The following ROBO1 variants were observed in gnomAD, a reference collection of about 807,000 sequenced individuals.
The protein encoded by ROBO1 is roundabout homolog 1.
Under a neutral mutation model 195.9 loss-of-function variants are expected in ROBO1, and 149 were observed. The observed-to-expected ratio is 0.76, with a 90% CI of 0.67 to 0.87. The LOEUF (loss-of-function observed/expected upper bound fraction) is 0.87, where lower values mean the gene tolerates loss of function less well. ROBO1 is among the 40% of genes least tolerant of loss of function. ROBO1 has a pLI of 0.00. For missense variants in ROBO1, 1,933 were observed against 2,068.3 expected, an observed-to-expected ratio of 0.93 and a Z score of 1.27; for synonymous variants, 816 against 733.2, an observed-to-expected ratio of 1.11 and a Z score of -1.82.
At chr3:79,123,166 C>T (rs1469487506) in intron 3 of ROBO1, among the ~76,000 whole-genome samples, 2 of 151,822 alleles carry the variant, frequency 1.3e-5, no homozygotes, top group Non-Finnish European at 2.9e-5. Flanking sequence ...TATTAAACTC[C>T]AGATATACCA....
chr3:78,815,517 C>G (rs1187888680), intron 4 of ROBO1, among the ~76,000 whole-genome samples: 1 of 152,082 alleles, frequency 6.6e-6, no homozygotes, highest in African/African-American at 2.4e-5. Context: ...AATTGTCTCC[C>G]ATTCTATGAA....
At chr3:79,182,957 T>G (rs918192913) in intron 2 of ROBO1, among the ~76,000 whole-genome samples, 7 of 151,726 alleles carry the variant, frequency 4.6e-5, no homozygotes, top group African/African-American at 1.7e-4. Context: ...GGCACGTGCC[T>G]GTAGTCCCAG....
At chr3:78,610,548 T>A (rs191059360) in intron 28 of ROBO1, among the ~76,000 whole-genome samples, 131 of 152,246 alleles carry the variant, frequency 8.6e-4, no homozygotes, top group African/African-American at 3.1e-3. Context: ...GAACGCAGAT[T>A]ATCAGGAAGC....
At chr3:79,603,864 T>C (rs1251447580) in intron 1 of ROBO1, among the ~76,000 whole-genome samples, 1 of 151,972 alleles carries the variant, frequency 6.6e-6, no homozygotes, top group African/African-American at 2.4e-5. Flanking sequence ...AGTGGCTGCT[T>C]GTATAGAATA....
chr3:78,877,394 T>C (rs887900143), intron 4 of ROBO1, among the ~76,000 whole-genome samples: 1 of 151,860 alleles, frequency 6.6e-6, no homozygotes, highest in African/African-American at 2.4e-5. Flanking sequence ...TTCTATTCAT[T>C]AGAACAATTC....
At chr3:79,225,007 C>A (rs901349657) in intron 2 of ROBO1, among the ~76,000 whole-genome samples, 1 of 151,978 alleles carries the variant, frequency 6.6e-6, no homozygotes, top group Non-Finnish European at 1.5e-5. Flanking sequence ...CCTCAGAAAG[C>A]GTGTCATTTG....
intron 2 of ROBO1, among the ~76,000 whole-genome samples, chr3:79,391,121 C>CAAA (rs2036933111): frequency 7.5e-6 from 1 of 133,510 alleles, no homozygotes; most frequent in African/African-American, 3.2e-5. Flanking sequence ...CCTGTCTCTA[C>CAAA]CAAAAAAAAA....
chr3:79,170,788 CAGTT>C (rs1436494163), intron 2 of ROBO1, among the ~76,000 whole-genome samples: 2 of 151,988 alleles, frequency 1.3e-5, no homozygotes, highest in Non-Finnish European at 2.9e-5. Flanking sequence ...AGGGATAAAT[CAGTT>C]AGGAGGTGAA....
chr3:79,707,807 C>T (rs1034492630), intron 1 of ROBO1, among the ~76,000 whole-genome samples: 16 of 152,112 alleles, frequency 1.1e-4, no homozygotes, highest in African/African-American at 2.2e-4. Context: ...CACACCTGGC[C>T]GAAAAGAATT....
intron 2 of ROBO1, among the ~76,000 whole-genome samples, chr3:79,465,841 C>T (rs1575863692): frequency 6.6e-6 from 1 of 152,018 alleles, no homozygotes; most frequent in Admixed American, 6.6e-5. Context: ...CATTATTTAT[C>T]ATTTAAAGGT....
At chr3:79,447,021 G>A (rs1178400815) in intron 2 of ROBO1, among the ~76,000 whole-genome samples, 1 of 151,750 alleles carries the variant, frequency 6.6e-6, no homozygotes, top group African/African-American at 2.4e-5. Flanking sequence ...AGTAGAGACG[G>A]GGTTTCACCA....
intron 1 of ROBO1, among the ~76,000 whole-genome samples, chr3:79,616,020 G>A (rs1358225590): frequency 6.6e-6 from 1 of 152,158 alleles, no homozygotes; most frequent in Non-Finnish European, 1.5e-5. Context: ...AGAATAGGTG[G>A]AGGTGTTTCT....
rs182669939 is a variant in ROBO1, at chr3:79,558,859, T to A, written c.88+30965A>T. On this transcript the variant is annotated intron_variant, in intron 2 of 30. Coordinates refer to ENST00000464233, the MANE Select transcript of ROBO1 (RefSeq NM_002941.4). ...TATATCTTTATAAATAGCTGTTTTTTATTTTTCCTTGAGTAAAACATCTGT... is the reference window on the plus strand; with the variant it reads ...TATATCTTTATAAATAGCTGTTTTTAATTTTTCCTTGAGTAAAACATCTGT... Among the ~76,000 whole-genome samples the A allele has an allele frequency of 3.5e-4, 53 of 152,320 alleles. No individual in the cohort carries two copies. The East Asian group carries it at 9.1e-3, about 26-fold the overall frequency.
chr3:79,445,253 T>C (rs2039201157), intron 2 of ROBO1, among the ~76,000 whole-genome samples: 2 of 151,772 alleles, frequency 1.3e-5, no homozygotes, highest in South Asian at 4.1e-4. Flanking sequence ...CCAATGCATA[T>C]ATTACTGAAT....
intron 4 of ROBO1, among the ~76,000 whole-genome samples, chr3:78,889,462 G>T (rs1576351467): frequency 6.6e-6 from 1 of 152,316 alleles, no homozygotes; most frequent in Admixed American, 6.5e-5. Flanking sequence ...ATGTGCGTAA[G>T]GGTACACTCA....
intron 2 of ROBO1, among the ~76,000 whole-genome samples, chr3:79,193,762 A>T (rs901014700): frequency 6.6e-6 from 1 of 151,478 alleles, no homozygotes; most frequent in Non-Finnish European, 1.5e-5. Context: ...GAGACAGGAA[A>T]GAAGACACTC....
At chr3:79,623,975 C>A (rs1484663077) in intron 1 of ROBO1, among the ~76,000 whole-genome samples, 1 of 152,134 alleles carries the variant, frequency 6.6e-6, no homozygotes, top group East Asian at 1.9e-4. Flanking sequence ...CAAAGGGAAG[C>A]TCATTAGGCT....
chr3:78,708,200 AG>A (rs1311209003), intron 8 of ROBO1, among the ~76,000 whole-genome samples: 1 of 152,208 alleles, frequency 6.6e-6, no homozygotes, highest in Non-Finnish European at 1.5e-5. Context: ...GAAATCTTAG[AG>A]GCTGAGGACA....
chr3:78,631,955 C>A (rs1263370166), intron 24 of ROBO1, among the ~76,000 whole-genome samples: 2 of 152,178 alleles, frequency 1.3e-5, no homozygotes, highest in Non-Finnish European at 2.9e-5. Flanking sequence ...AGTAGTTTGA[C>A]ATAGCCCAAT....
Sources: allele counts gnomAD v4.1 joint callset (sites outside exome capture counted in the v4.1 genomes callset), GRCh38; gene constraint gnomAD v4.1.1; transcripts MANE v1.5; gene names NCBI Gene and HGNC (gene_info 2026-07-23, HGNC 2026-07-21).